VWC2: variants seen among roughly 807,000 people sequenced by gnomAD.
VWC2 encodes the protein von Willebrand factor C domain containing 2, also known as brorin.
VWC2 carries 14 observed loss-of-function variants against 29.8 expected under a neutral mutation model. The observed-to-expected ratio is 0.47, with a 90% confidence interval of 0.31 to 0.74. The LOEUF is 0.74. Ranked by LOEUF, VWC2 falls within the 30% of genes least tolerant of loss-of-function variation. The pLI is 0.05. For missense variants in VWC2, 457 were observed against 459.8 expected (o/e 0.99, Z 0.05); for synonymous variants, 213 against 199.0 (o/e 1.07, Z -0.59).
chr7:49,821,919 T>C (rs1331227977), intron 3 of VWC2, among the ~76,000 whole-genome samples: 2 of 152,172 alleles, frequency 1.3e-5, no homozygotes, highest in South Asian at 4.1e-4. Context: ...AGCTGTGACA[T>C]TCTAGAAATA....
At chr7:49,848,778 C>A (rs141156945) in intron 3 of VWC2, among the ~76,000 whole-genome samples, 199 of 152,274 alleles carry the variant, frequency 1.3e-3, no homozygotes, top group African/African-American at 4.5e-3. Flanking sequence ...GGTAACTGTT[C>A]TTTGGCCCTT....
At chr7:49,890,352 A>C (rs535269929) in intron 3 of VWC2, among the ~76,000 whole-genome samples, 2 of 152,250 alleles carry the variant, frequency 1.3e-5, no homozygotes, top group Non-Finnish European at 2.9e-5. Context: ...CATCAGGAAG[A>C]CAAAAGAACT....
intron 3 of VWC2, among the ~76,000 whole-genome samples, chr7:49,888,331 CTAT>C (rs1199604067): frequency 6.6e-6 from 1 of 152,142 alleles, no homozygotes; most frequent in Admixed American, 6.5e-5. Flanking sequence ...AACTCTGTAG[CTAT>C]TATTTAGATG....
chr7:49,820,645 T>A (rs1029230853), intron 3 of VWC2, among the ~76,000 whole-genome samples: 6 of 152,232 alleles, frequency 3.9e-5, no homozygotes. Flanking sequence ...TGACTTTTGT[T>A]TCATTGTCTA....
rs1314463087 is a variant in VWC2 at position 49,775,683 on chromosome 7, G to A, written c.248G>A (p.Gly83Glu). The part of the protein sequence containing the change: ...GRDWKSKSGR[G>E]LAGREPWSKL... Reference sequence around the variant, plus strand: ...GACTGGAAGAGCAAGAGCGGCCGTGGGCTCGCCGGCCGTGAGCCGTGGAGC... The same window carrying A: ...GACTGGAAGAGCAAGAGCGGCCGTGAGCTCGCCGGCCGTGAGCCGTGGAGC... The change falls in exon 2 of 4, where the codon GGG (glycine) becomes GAG (glutamate). Residue 83 changes from glycine to glutamate, a missense_variant. By Grantham distance (98) the Gly-to-Glu change is moderately conservative (BLOSUM62 -2). This residue lies in a region of VWC2 where 272 missense variants were observed against 202.7 expected (regional missense o/e 1.34). Transcript: ENST00000340652. The A allele has an allele frequency of 1.3e-6, 2 of 1,524,238 alleles. No homozygotes were observed. The highest frequency in any genetic ancestry group is 1.8e-6 in the Non-Finnish European group (2 of 1,139,148). 94.4% of individuals were successfully genotyped at this position (1,524,238 alleles called of 1,614,324 possible).
rs1044918290 is a variant in VWC2 at position 49,913,780 on chromosome 7, A to G, written c.*1595A>G. ...ACATGAAAAAATCATTATATAAAAA[A>G]TAATTCAATCATTAAAGACTGAATA... On this transcript the variant is annotated 3_prime_UTR_variant, in exon 4 of 4. Coordinates refer to ENST00000340652, the MANE Select transcript of VWC2 (RefSeq NM_198570.5). 2 of 152,238 alleles carry G rather than the reference A, an allele frequency of 1.3e-5. No homozygotes were observed. Among genetic ancestry groups the G allele is most frequent in the African/African-American group, 4.8e-5 (2 of 41,468 alleles). The allele number at this position is 152,238 out of a possible 1,614,324, so 9.4% of individuals were successfully genotyped here. A position where few individuals can be genotyped will look rare whatever the true frequency, so the allele number is the denominator to read the frequency against.
chr7:49,797,531 T>A (rs11974878), intron 2 of VWC2, among the ~76,000 whole-genome samples: 16,371 of 152,240 alleles, frequency 0.11, 942 homozygotes, highest in African/African-American at 0.12. Context: ...GTGAAAGCAA[T>A]GTGGATGAGT....
intron 3 of VWC2, among the ~76,000 whole-genome samples, chr7:49,881,370 C>A (rs997013751): frequency 6.6e-6 from 1 of 152,116 alleles, no homozygotes; most frequent in Non-Finnish European, 1.5e-5. Flanking sequence ...AAAAACAGCA[C>A]TGAAATTATA....
intron 2 of VWC2, among the ~76,000 whole-genome samples, chr7:49,782,916 A>C (rs1788209533): frequency 6.6e-6 from 1 of 152,178 alleles, no homozygotes; most frequent in Non-Finnish European, 1.5e-5. Flanking sequence ...CCATTATAAG[A>C]AGTAAATAAG....
At chr7:49,860,777 C>A (rs557905312) in intron 3 of VWC2, among the ~76,000 whole-genome samples, 1 of 152,108 alleles carries the variant, frequency 6.6e-6, no homozygotes, top group African/African-American at 2.4e-5. Flanking sequence ...AGGGTGAGGC[C>A]TTAATCTAAT....
At chr7:49,904,642 T>C (rs185520471) in intron 3 of VWC2, among the ~76,000 whole-genome samples, 1 of 152,166 alleles carries the variant, frequency 6.6e-6, no homozygotes, top group African/African-American at 2.4e-5. Flanking sequence ...TACATGGTTT[T>C]TATTCAAAAA....
chr7:49,866,872 G>A (rs894097418), intron 3 of VWC2, among the ~76,000 whole-genome samples: 6 of 152,278 alleles, frequency 3.9e-5, no homozygotes, highest in Admixed American at 1.3e-4. Flanking sequence ...TGCCTGAGGC[G>A]GGAACATGCC....
chr7:49,798,711 G>A (rs1788659079), intron 2 of VWC2, among the ~76,000 whole-genome samples: 1 of 152,202 alleles, frequency 6.6e-6, no homozygotes, highest in Admixed American at 6.5e-5. Flanking sequence ...GGAGTTCAGT[G>A]GTGGCTTTTC....
intron 2 of VWC2, among the ~76,000 whole-genome samples, chr7:49,795,129 T>A (rs897346547): frequency 6.6e-6 from 1 of 152,162 alleles, no homozygotes; most frequent in Non-Finnish European, 1.5e-5. Flanking sequence ...AAGAGTAGGA[T>A]GGCTGGGTTG....
chr7:49,832,697 G>A (rs1445568928), intron 3 of VWC2, among the ~76,000 whole-genome samples: 1 of 152,100 alleles, frequency 6.6e-6, no homozygotes, highest in Non-Finnish European at 1.5e-5. Flanking sequence ...GGTCTGCTGG[G>A]GCCTAGTGCA....
Position 49,920,731 on chromosome 7 carries a change from T to TAAG in VWC2, c.*8546_*8547insAAG, listed in dbSNP as rs35452696. The TAAG allele has an allele frequency of 1.3e-4, 1 of 7,928 alleles. No individual in the cohort carries two copies. The highest frequency in any genetic ancestry group is 2.9e-4 in the Non-Finnish European group (1 of 3,470). The allele number at this position is 7,928 out of a possible 1,614,324, so 0.5% of individuals were successfully genotyped here. A position where few individuals can be genotyped will look rare whatever the true frequency, so the allele number is the denominator to read the frequency against. On this transcript the variant is annotated 3_prime_UTR_variant, in exon 4 of 4. Coordinates refer to ENST00000340652, the MANE Select transcript of VWC2 (RefSeq NM_198570.5). ...GTTATTTACTATTTATAATTTGAAT[T>TAAG]GTTTAAAATAATTTTAAATACTTAT...
chr7:49,872,992 T>C (rs1417150191), intron 3 of VWC2, among the ~76,000 whole-genome samples: 1 of 130,534 alleles, frequency 7.7e-6, no homozygotes, highest in Non-Finnish European at 1.7e-5. Flanking sequence ...AAATAATTAA[T>C]AAAAAAATCT....
chr7:49,783,790 C>G (rs528353376), intron 2 of VWC2, among the ~76,000 whole-genome samples: 71 of 152,264 alleles, frequency 4.7e-4, no homozygotes, highest in African/African-American at 1.7e-3. Flanking sequence ...TGGCTCATGC[C>G]TATAATCCCG....
rs1172761641 is a variant in VWC2 at position 49,914,749 on chromosome 7, G to C, written c.*2564G>C. ...TTGCTGAGATTGTCAACAACAAACT[G>C]TTCTATTCAATAAATAACCTGAATA... On this transcript the variant is annotated 3_prime_UTR_variant, in exon 4 of 4. Transcript: ENST00000340652. 1 of 152,086 alleles carries C rather than the reference G, an allele frequency of 6.6e-6. No individual in the cohort carries two copies. Among genetic ancestry groups the C allele is most frequent in the East Asian group, 1.9e-4 (1 of 5,198 alleles). 9.4% of individuals were successfully genotyped at this position (152,086 alleles called of 1,614,324 possible). A position where few individuals can be genotyped will look rare whatever the true frequency, so the allele number is the denominator to read the frequency against.
Sources: allele counts gnomAD v4.1 joint callset (sites outside exome capture counted in the v4.1 genomes callset), GRCh38; gene constraint gnomAD v4.1.1; regional missense constraint gnomAD v4.1.1; transcripts MANE v1.5; gene names NCBI Gene and HGNC (gene_info 2026-07-23, HGNC 2026-07-21).